Variants in MYH10 observed in about 807,000 individuals in gnomAD.
The protein encoded by MYH10 is myosin-10.
In MYH10, 55 loss-of-function variants were observed where a neutral mutation model predicts 257.8. The observed-to-expected ratio is 0.21, with a 90% CI of 0.17 to 0.27. The LOEUF is 0.27. MYH10 is among the 10% of genes least tolerant of loss of function. The pLI, the probability that MYH10 is intolerant of heterozygous loss-of-function variation, is 1.00. For synonymous variants in MYH10, 854 were observed against 921.7 expected, an observed-to-expected ratio of 0.93 and a Z score of 1.33; for missense variants, 1,631 against 2,500.6, an observed-to-expected ratio of 0.65 and a Z score of 7.42.
At chr17:8,616,946 C>T (rs2085282785) in intron 2 of MYH10, among the ~76,000 whole-genome samples, 1 of 151,978 alleles carries the variant, frequency 6.6e-6, no homozygotes, top group African/African-American at 2.4e-5. Flanking sequence ...GGAAATACAA[C>T]AGAGTCAAAA....
intron 33 of MYH10, 54 bp downstream of exon 33, chr17:8,492,722 A>G (rs1324323907): frequency 1.1e-5 from 17 of 1,577,684 alleles, no homozygotes; most frequent in Non-Finnish European, 1.5e-5. Context: ...ATTTTAAACC[A>G]AACGAACAAA....
chr17:8,593,636 T>C (rs1273153780), intron 3 of MYH10, among the ~76,000 whole-genome samples: 11 of 152,156 alleles, frequency 7.2e-5, no homozygotes, highest in Admixed American at 7.2e-4. Context: ...TCTGATGAAG[T>C]ATACGCAACA....
intron 23 of MYH10, 88 bp downstream of exon 23, chr17:8,513,450 T>G: frequency 6.4e-7 from 1 of 1,552,978 alleles, no homozygotes; most frequent in East Asian, 2.3e-5. Flanking sequence ...GTACAGCTAT[T>G]CATAATGAAA....
At position 8,476,865 on chromosome 17, in the gene MYH10, T is replaced by G. The variant is rs775282360; in HGVS notation, c.5879+11A>C. The G allele has an allele frequency of 9.4e-6, 15 of 1,601,820 alleles. No homozygotes were observed. In the Admixed American group the frequency reaches 1.2e-4, roughly 12 times the overall value. ...AGCTGCCTGTCAGCTCGGGGCCGCA[T>G]GCCTGCTCACCTCAGCCGGTTCTTC... On this transcript the variant is annotated intron_variant, in intron 42 of 42. Coordinates refer to ENST00000360416, the MANE Select transcript of MYH10 (RefSeq NM_001256012.3).
intron 33 of MYH10, 121 bp from the exon 34 acceptor site, chr17:8,492,630 CCTT>C (rs1915951996): frequency 2.5e-6 from 3 of 1,184,170 alleles, no homozygotes; most frequent in Non-Finnish European, 3.4e-6. Flanking sequence ...TCTTGTATTT[CCTT>C]TTTTTTTTTT....
intron 1 of MYH10, among the ~76,000 whole-genome samples, chr17:8,623,738 T>C (rs1258058131): frequency 6.6e-6 from 1 of 151,896 alleles, no homozygotes; most frequent in East Asian, 1.9e-4. Flanking sequence ...ATCTAAAGAA[T>C]CTAAAACATG....
At chr17:8,491,733 AT>A in intron 34 of MYH10, among the ~76,000 whole-genome samples, 1 of 152,196 alleles carries the variant, frequency 6.6e-6, no homozygotes, top group East Asian at 1.9e-4. Context: ...TCAACACGTC[AT>A]ACACTAAGGG....
chr17:8,562,600 G>A (rs981038316), intron 7 of MYH10, among the ~76,000 whole-genome samples: 7 of 152,068 alleles, frequency 4.6e-5, no homozygotes, highest in Non-Finnish European at 7.4e-5. Context: ...ATATTCAATC[G>A]GAACTTCACC....
intron 7 of MYH10, 113 bp from the exon 8 acceptor site, chr17:8,554,131 T>A: frequency 1.5e-6 from 1 of 682,288 alleles, no homozygotes; most frequent in Non-Finnish European, 2.5e-6. Context: ...ATAATGGATC[T>A]TATATATTGC....
chr17:8,508,321 T>A (rs1004991563), intron 26 of MYH10, among the ~76,000 whole-genome samples: 1 of 152,148 alleles, frequency 6.6e-6, no homozygotes, highest in African/African-American at 2.4e-5. Context: ...CAGGCTGGTC[T>A]TAAACTCCTG....
Position 8,484,032 on chromosome 17 carries a change from A to G in MYH10, c.5175+106T>C, listed in dbSNP as rs573939699. On this transcript the variant is annotated intron_variant, in intron 37 of 42. Coordinates refer to ENST00000360416, the MANE Select transcript of MYH10 (RefSeq NM_001256012.3). ...TTAAAAAAATAAAAAACAAAAATGTATACTGACATTACAGTGGGCTACAAA... is the reference window on the plus strand; with the variant it reads ...TTAAAAAAATAAAAAACAAAAATGTGTACTGACATTACAGTGGGCTACAAA... 106 of 1,077,066 alleles carry G rather than the reference A, an allele frequency of 9.8e-5. 1 individual carries two copies. The African/African-American group carries it at 1.5e-3, about 15-fold the overall frequency. The allele number at this position is 1,077,066 out of a possible 1,614,324, so 66.7% of individuals were successfully genotyped here.
chr17:8,506,224 T>C lies in MYH10; in HGVS notation c.3386+94A>G. 7.6e-7 allele frequency: 1 copy of C among 1,313,980 alleles called. No individual in the cohort carries two copies. Among genetic ancestry groups the C allele is most frequent in the Non-Finnish European group, 1.0e-6 (1 of 988,508 alleles). The allele number at this position is 1,313,980 out of a possible 1,614,324, so 81.4% of individuals were successfully genotyped here. On this transcript the variant is annotated intron_variant, in intron 27 of 42. Transcript: ENST00000360416. The surrounding 1 kb of genome is among the most constrained non-coding windows in gnomAD (Gnocchi z 5.0). ...AAACAGCAAGCAAACCCCATCTCACTCTCCCAGGGTTTTTGAATGCTCCCG... is the reference window on the plus strand; with the variant it reads ...AAACAGCAAGCAAACCCCATCTCACCCTCCCAGGGTTTTTGAATGCTCCCG...
In MYH10 at chr17:8,475,725, C is replaced by T. The variant is rs913978721; in HGVS notation, c.*79G>A. The T allele has an allele frequency of 1.3e-6, 2 of 1,523,200 alleles. No individual in the cohort carries two copies. The highest frequency in any genetic ancestry group is 1.8e-6 in the Non-Finnish European group (2 of 1,121,304). The allele number at this position is 1,523,200 out of a possible 1,614,324, so 94.4% of individuals were successfully genotyped here. The stretch of plus-strand genomic sequence containing the variant: ...TTCAGGAAGGAATCCCGTAGCTTGC[C>T]AATTTCCGAAATCTGCAGGAGGCCC... On this transcript the variant is annotated 3_prime_UTR_variant, in exon 43 of 43. Coordinates refer to ENST00000360416, the MANE Select transcript of MYH10 (RefSeq NM_001256012.3).
At chr17:8,567,497 C>G (rs1339797092) in intron 7 of MYH10, among the ~76,000 whole-genome samples, 1 of 152,144 alleles carries the variant, frequency 6.6e-6, no homozygotes, top group Non-Finnish European at 1.5e-5. Context: ...TGCACAAATT[C>G]CTGTGTTGAA....
At chr17:8,578,391 C>T (rs182076228) in intron 4 of MYH10, among the ~76,000 whole-genome samples, 7 of 151,896 alleles carry the variant, frequency 4.6e-5, no homozygotes, top group East Asian at 1.9e-4. Context: ...CATAGGCACA[C>T]GCCACCACGC....
At chr17:8,487,669 G>T in intron 35 of MYH10, 75 bp from the exon 36 acceptor site, 6 of 1,552,678 alleles carry the variant, frequency 3.9e-6, no homozygotes, top group Non-Finnish European at 4.4e-6. Context: ...GTTCTCAAGT[G>T]GGGGGCTCTG....
In MYH10 at chr17:8,552,388, C is replaced by T. The variant is rs557793802; in HGVS notation, c.821-244G>A. Among the ~76,000 whole-genome samples the T allele has an allele frequency of 6.6e-5, 10 of 152,278 alleles. No homozygotes were observed. The highest frequency in any genetic ancestry group is 1.0e-4 in the Non-Finnish European group (7 of 68,016). On this transcript the variant is annotated intron_variant, in intron 8 of 42. Transcript: ENST00000360416. This position sits in a 1 kb window ranked among gnomAD's most constrained non-coding sequence, Gnocchi z 4.8. ...TCTGGGAAGGAACTTAAAGATTATACGTGCTTCCCTCACTCAGCTCCACTC... is the reference window on the plus strand; with the variant it reads ...TCTGGGAAGGAACTTAAAGATTATATGTGCTTCCCTCACTCAGCTCCACTC...
intron 2 of MYH10, among the ~76,000 whole-genome samples, chr17:8,617,324 T>C (rs1335715016): frequency 1.3e-5 from 2 of 152,120 alleles, no homozygotes; most frequent in Non-Finnish European, 2.9e-5. Flanking sequence ...CCTCTCCATA[T>C]AGGTACCTCT....
chr17:8,502,641 T>G (rs2080933372), intron 28 of MYH10, among the ~76,000 whole-genome samples: 2 of 152,152 alleles, frequency 1.3e-5, no homozygotes, highest in South Asian at 4.1e-4. Context: ...TGCAGAAGAC[T>G]CACTGTTACT....
Sources: gnomAD v4.1 joint callset for allele counts (sites outside exome capture counted in the v4.1 genomes callset) on GRCh38, gnomAD v4.1.1 for gene constraint, Gnocchi (gnomAD v3.1) non-coding constraint, MANE v1.5 for transcripts, NCBI Gene and HGNC (gene_info 2026-07-23, HGNC 2026-07-21) for gene names.